Variants in CDH23 observed in about 807,000 individuals in gnomAD.
CDH23 encodes cadherin related 23, also known as cadherin-23.
Under a neutral mutation model 317.1 loss-of-function variants are expected in CDH23, and 189 were observed. The ratio of observed to expected loss-of-function variants is 0.60; its 90% CI spans 0.53 to 0.67. The LOEUF (loss-of-function observed/expected upper bound fraction) is 0.67. CDH23 is among the 30% of genes least tolerant of loss of function. The pLI, the probability that CDH23 is intolerant of heterozygous loss-of-function variation, is 0.00. For missense variants in CDH23, 4,401 were observed against 4,592.4 expected (o/e 0.96, Z 1.20); for synonymous variants, 1,839 against 1,876.8 (o/e 0.98, Z 0.52).
At chr10:71,550,665 G>T (rs182994490) in intron 6 of CDH23, among the ~76,000 whole-genome samples, 1 of 151,956 alleles carries the variant, frequency 6.6e-6, no homozygotes, top group East Asian at 1.9e-4. Context: ...AGAATGAACA[G>T]CTGCTTCAGG....
intron 11 of CDH23, among the ~76,000 whole-genome samples, chr10:71,628,501 G>C (rs1226097980): frequency 6.6e-6 from 1 of 152,128 alleles, no homozygotes; most frequent in African/African-American, 2.4e-5. Context: ...TTGAGAGTGA[G>C]ATAATTTTTG....
intron 55 of CDH23, among the ~76,000 whole-genome samples, chr10:71,804,559 G>A (rs750295879): frequency 3.9e-5 from 6 of 152,308 alleles, no homozygotes; most frequent in African/African-American, 2.4e-5. Flanking sequence ...TCCTGCGGGA[G>A]AAAACTCTCC....
At chr10:71,400,971 GTATTT>G (rs1408854362) in intron 1 of CDH23, among the ~76,000 whole-genome samples, 1 of 152,176 alleles carries the variant, frequency 6.6e-6, no homozygotes, top group South Asian at 2.1e-4. Context: ...TTTAAACATT[GTATTT>G]TATTTTATTT....
chr10:71,482,231 C>T (rs905418638), intron 3 of CDH23, among the ~76,000 whole-genome samples: 8 of 152,000 alleles, frequency 5.3e-5, no homozygotes, highest in African/African-American at 1.9e-4. Context: ...TTTCTTCCTC[C>T]CTCCTTTTCT....
intron 28 of CDH23, chr10:71,716,084 G>A (rs1322115822): frequency 6.5e-7 from 1 of 1,527,194 alleles, no homozygotes; most frequent in East Asian, 2.5e-5. Flanking sequence ...CCGGAGCTGG[G>A]GCTCACTGGG....
At chr10:71,400,380 G>C (rs899506402) in intron 1 of CDH23, among the ~76,000 whole-genome samples, 6 of 151,720 alleles carry the variant, frequency 4.0e-5, no homozygotes, top group African/African-American at 1.2e-4. Flanking sequence ...TTCCCAGAGA[G>C]AGGGCAGCTC....
At chr10:71,690,669 C>A in intron 20 of CDH23, 85 bp downstream of exon 20, 1 of 888,278 alleles carries the variant, frequency 1.1e-6, no homozygotes, top group Non-Finnish European at 1.8e-6. Flanking sequence ...GCCTCTGGGC[C>A]CAGGTCCCCT....
chr10:71,800,282 C>T (rs1156960018), intron 52 of CDH23, among the ~76,000 whole-genome samples: 1 of 152,242 alleles, frequency 6.6e-6, no homozygotes, highest in Non-Finnish European at 1.5e-5. Flanking sequence ...CTGTCCACAT[C>T]TTCTGGCACT....
chr10:71,463,566 G>T (rs1851111269), intron 3 of CDH23, among the ~76,000 whole-genome samples: 1 of 152,170 alleles, frequency 6.6e-6, no homozygotes, highest in Non-Finnish European at 1.5e-5. Flanking sequence ...GTGCTCAGCA[G>T]GGATCGCTGA....
chr10:71,483,075 G>C (rs900814378), intron 3 of CDH23, among the ~76,000 whole-genome samples: 1 of 152,352 alleles, frequency 6.6e-6, no homozygotes, highest in South Asian at 2.1e-4. Context: ...CCGTCCTGGC[G>C]GATGGAGGCA....
chr10:71,805,415 C>A (rs912210321), intron 55 of CDH23, among the ~76,000 whole-genome samples: 1 of 152,186 alleles, frequency 6.6e-6, no homozygotes, highest in Non-Finnish European at 1.5e-5. Context: ...GCAGAGAGAG[C>A]AAGACTGATA....
At chr10:71,791,084 C>T (rs563094357) in intron 46 of CDH23, 48 bp from the exon 47 acceptor site, 47 of 1,485,768 alleles carry the variant, frequency 3.2e-5, no homozygotes, top group Non-Finnish European at 4.0e-5. Context: ...GTCTTCCCAC[C>T]GCACCCCTTT....
At chr10:71,791,472 T>A in intron 47 of CDH23, 137 bp downstream of exon 47, 1 of 697,578 alleles carries the variant, frequency 1.4e-6, no homozygotes, top group South Asian at 1.8e-5. Flanking sequence ...TAGAACACAC[T>A]GGAGAGGGAG....
chr10:71,550,579 A>AAAAAAAAAAAAAAAG (rs1564647432), intron 6 of CDH23, among the ~76,000 whole-genome samples: 9 of 121,206 alleles, frequency 7.4e-5, no homozygotes, highest in South Asian at 2.6e-4. Flanking sequence ...AAAAAAAAAG[A>AAAAAAAAAAAAAAAG]AAAAAGAAAA....
At chr10:71,653,398 C>T (rs1863271620) in intron 14 of CDH23, among the ~76,000 whole-genome samples, 2 of 152,250 alleles carry the variant, frequency 1.3e-5, no homozygotes, top group Non-Finnish European at 2.9e-5. Flanking sequence ...ACTGTCAGGA[C>T]ACCCCCAGCC....
chr10:71,755,429 G>A (rs937379705), intron 38 of CDH23: 23 of 1,613,270 alleles, frequency 1.4e-5, no homozygotes, highest in African/African-American at 1.3e-4. Context: ...GGATTCCTAC[G>A]ATGCAGGCAC....
intron 6 of CDH23, among the ~76,000 whole-genome samples, chr10:71,552,690 G>A (rs1174818707): frequency 6.6e-6 from 1 of 152,206 alleles, no homozygotes; most frequent in East Asian, 1.9e-4. Flanking sequence ...GGAGTGCGGA[G>A]TGATGTGGTT....
intron 14 of CDH23, among the ~76,000 whole-genome samples, chr10:71,654,655 C>A (rs909257660): frequency 6.6e-6 from 1 of 152,206 alleles, no homozygotes; most frequent in Admixed American, 6.5e-5. Flanking sequence ...ATGGTGTTCT[C>A]ACCCTGCCAC....
intron 9 of CDH23, among the ~76,000 whole-genome samples, chr10:71,595,487 C>T (rs1377224589): frequency 1.3e-5 from 2 of 152,184 alleles, no homozygotes; most frequent in Non-Finnish European, 2.9e-5. Flanking sequence ...CATCCTTGGA[C>T]CCTGTGCCCA....
Sources: allele counts gnomAD v4.1 joint callset (sites outside exome capture counted in the v4.1 genomes callset), GRCh38; gene constraint gnomAD v4.1.1; transcripts MANE v1.5; gene names NCBI Gene and HGNC (gene_info 2026-07-23, HGNC 2026-07-21).